Variants in ACVR1B observed in about 807,000 individuals in gnomAD.
ACVR1B encodes activin A receptor type 1B, also known as activin receptor type-1B.
In ACVR1B, 15 loss-of-function variants were observed where a neutral mutation model predicts 55.6. That is an observed-to-expected ratio of 0.27 (90% confidence interval 0.18 to 0.42). The LOEUF (loss-of-function observed/expected upper bound fraction) is 0.42. Ranked by LOEUF, ACVR1B falls within the 10% of genes least tolerant of loss-of-function variation. ACVR1B has a pLI of 1.00. For missense variants in ACVR1B, 359 were observed against 670.1 expected (o/e 0.54, Z 5.13); for synonymous variants, 247 against 254.6 (o/e 0.97, Z 0.28).
intron 4 of ACVR1B, chr12:51,982,544 C>T (rs765036200): frequency 5.1e-4 from 459 of 894,264 alleles, no homozygotes; most frequent in Non-Finnish European, 6.8e-4. Flanking sequence ...AGAGAGGATG[C>T]TGTGAGTGGC....
At chr12:51,973,565 G>A (rs1941788316) in intron 1 of ACVR1B, among the ~76,000 whole-genome samples, 1 of 152,210 alleles carries the variant, frequency 6.6e-6, no homozygotes, top group Non-Finnish European at 1.5e-5. Flanking sequence ...AAGGGAAAAT[G>A]AAGCGATTCC....
At chr12:51,958,644 C>CAAA (rs34307946) in intron 1 of ACVR1B, among the ~76,000 whole-genome samples, 1 of 90,600 alleles carries the variant, frequency 1.1e-5, no homozygotes, top group Admixed American at 1.1e-4. Context: ...TGAGACTCCT[C>CAAA]AAAAAAAAAA....
At chr12:51,993,765 T>TAAAAAAAAAAAAAAAAAAA (rs869161100) in intron 8 of ACVR1B, among the ~76,000 whole-genome samples, 2 of 29,768 alleles carry the variant, frequency 6.7e-5, no homozygotes, top group Non-Finnish European at 6.5e-5. Flanking sequence ...AGACTCCTTC[T>TAAAAAAAAAAAAAAAAAAA]AAAAAAAAAA....
At chr12:51,983,952 T>C (rs771050430) in intron 4 of ACVR1B, 47 bp from the exon 5 acceptor site, 1 of 1,605,300 alleles carries the variant, frequency 6.2e-7, no homozygotes, top group Admixed American at 1.7e-5. Flanking sequence ...TTCACTGTTT[T>C]GCTGATAGTT....
intron 3 of ACVR1B, among the ~76,000 whole-genome samples, chr12:51,977,515 T>G (rs1318901889): frequency 6.6e-6 from 1 of 152,170 alleles, no homozygotes; most frequent in African/African-American, 2.4e-5. Context: ...CAGGCTGGTC[T>G]TGTGTTCTTG....
At chr12:51,955,549 A>G (rs755398324) in intron 1 of ACVR1B, among the ~76,000 whole-genome samples, 9 of 152,242 alleles carry the variant, frequency 5.9e-5, no homozygotes, top group Non-Finnish European at 1.2e-4. Context: ...GCTTTAGGTC[A>G]TCTTAATTTT....
intron 1 of ACVR1B, among the ~76,000 whole-genome samples, chr12:51,961,918 C>CT (rs1397986725): frequency 6.6e-5 from 10 of 152,214 alleles, no homozygotes; most frequent in Admixed American, 6.5e-4. Flanking sequence ...TCATTTCAGT[C>CT]TTACCTTGAC....
intron 1 of ACVR1B, chr12:51,953,610 G>A (rs1941354476): frequency 5.9e-5 from 32 of 542,332 alleles, no homozygotes; most frequent in South Asian, 1.6e-4. Context: ...AAAAAAAAAA[G>A]GGAGATTGAA....
chr12:51,994,114 C>T lies in ACVR1B; in HGVS notation c.*4C>T. ...GCAGGAAGACGTGAAGATCTAACTG[C>T]TCCCTCTCTCCACACGGAGCTCCTG... On this transcript the variant is annotated 3_prime_UTR_variant, in exon 9 of 9. Coordinates refer to ENST00000257963, the MANE Select transcript of ACVR1B (RefSeq NM_004302.5). This position sits in a 1 kb window ranked among gnomAD's most constrained non-coding sequence, Gnocchi z 4.2. 1 of 1,612,958 alleles carries T rather than the reference C, an allele frequency of 6.2e-7. No individual in the cohort carries two copies. The highest frequency in any genetic ancestry group is 1.7e-5 in the Admixed American group (1 of 60,032).
At chr12:51,974,664 T>C (rs1451757250) in intron 1 of ACVR1B, among the ~76,000 whole-genome samples, 1 of 152,178 alleles carries the variant, frequency 6.6e-6, no homozygotes, top group Admixed American at 6.5e-5. Context: ...AAGTTCTCTT[T>C]GGAGGATATC....
rs575632901 is a variant in ACVR1B at position 51,994,837 on chromosome 12, G to A, written c.*727G>A. ...CCGTGCTTGCTGGTGCCTCTTTTCAGTAGTGAGCAGCATCTAGTTTCCCTG... is the reference window on the plus strand; with the variant it reads ...CCGTGCTTGCTGGTGCCTCTTTTCAATAGTGAGCAGCATCTAGTTTCCCTG... On this transcript the variant is annotated 3_prime_UTR_variant, in exon 9 of 9. Coordinates refer to ENST00000257963, the MANE Select transcript of ACVR1B (RefSeq NM_004302.5). This position sits in a 1 kb window ranked among gnomAD's most constrained non-coding sequence, Gnocchi z 4.2. 6.5e-6 allele frequency: 1 copy of A among 153,192 alleles called. No homozygotes were observed. Among genetic ancestry groups the A allele is most frequent in the Non-Finnish European group, 1.5e-5 (1 of 68,470 alleles). The allele number at this position is 153,192 out of a possible 1,614,324, so 9.5% of individuals were successfully genotyped here. A position where few individuals can be genotyped will look rare whatever the true frequency, so the allele number is the denominator to read the frequency against.
intron 1 of ACVR1B, among the ~76,000 whole-genome samples, chr12:51,963,859 C>A (rs138782727): frequency 6.6e-6 from 1 of 152,180 alleles, no homozygotes; most frequent in Non-Finnish European, 1.5e-5. Flanking sequence ...TATTAAGGAA[C>A]CATCAAGCTT....
Position 51,985,259 on chromosome 12 carries a change from T to C in ACVR1B, c.1047T>C (p.Cys349=), listed in dbSNP as rs1258091521. The change falls in exon 6 of 9, where the codon TGT becomes TGC. Residue 349 remains cysteine (C), a synonymous_variant. Transcript: ENST00000257963. The part of the protein sequence containing the change: ...KNILVKKNGM[C]AIADLGLAVR... The stretch of plus-strand genomic sequence containing the variant: ...TTCTGGTGAAGAAAAATGGCATGTG[T>C]GCCATAGCAGACCTGGGCCTGGCTG... The C allele has an allele frequency of 6.2e-7, 1 of 1,613,976 alleles. No individual in the cohort carries two copies. Among genetic ancestry groups the C allele is most frequent in the East Asian group, 2.2e-5 (1 of 44,880 alleles).
rs747337613 is a variant in ACVR1B, at chr12:51,987,107, A to C, written c.1261+165A>C. 7.6e-6 allele frequency: 7 copies of C among 918,820 alleles called. No individual in the cohort carries two copies. The East Asian group carries it at 1.8e-4, about 23-fold the overall frequency. 56.9% of individuals were successfully genotyped at this position (918,820 alleles called of 1,614,324 possible). ...CAAAGGTGTGGAGGTAGCTGTGCTTAGGGTGCGTTTATTCTTCAGGGATCA... is the reference window on the plus strand; with the variant it reads ...CAAAGGTGTGGAGGTAGCTGTGCTTCGGGTGCGTTTATTCTTCAGGGATCA... On this transcript the variant is annotated intron_variant, in intron 7 of 8. Transcript: ENST00000257963.
intron 1 of ACVR1B, among the ~76,000 whole-genome samples, chr12:51,956,328 A>G (rs911952565): frequency 6.6e-6 from 1 of 152,270 alleles, no homozygotes; most frequent in South Asian, 2.1e-4. Flanking sequence ...CACAGTTAAC[A>G]TATAGGAGAT....
At chr12:51,992,180 G>C in intron 8 of ACVR1B, 187 bp downstream of exon 8, 1 of 727,340 alleles carries the variant, frequency 1.4e-6, no homozygotes, top group Non-Finnish European at 2.2e-6. Flanking sequence ...GACCCTGTAG[G>C]GTGCCATTTG....
At chr12:51,968,446 G>T (rs2120535674) in intron 1 of ACVR1B, among the ~76,000 whole-genome samples, 1 of 152,290 alleles carries the variant, frequency 6.6e-6, no homozygotes, top group Middle Eastern at 3.4e-3. Flanking sequence ...TAGACCTAAA[G>T]AAGTGGGTCT....
At chr12:51,975,646 G>T in intron 2 of ACVR1B, 142 bp downstream of exon 2, 1 of 1,227,972 alleles carries the variant, frequency 8.1e-7, no homozygotes, top group Non-Finnish European at 1.1e-6. Context: ...CAAAGGCTGG[G>T]GTTTCTCAGC....
intron 1 of ACVR1B, among the ~76,000 whole-genome samples, chr12:51,962,312 A>C (rs971097339): frequency 6.6e-6 from 1 of 151,726 alleles, no homozygotes; most frequent in Admixed American, 6.6e-5. Flanking sequence ...AGCTTCCTTT[A>C]TTAAGTCAGT....
Sources: allele counts gnomAD v4.1 joint callset (sites outside exome capture counted in the v4.1 genomes callset), GRCh38; gene constraint gnomAD v4.1.1; non-coding constraint Gnocchi (gnomAD v3.1); transcripts MANE v1.5; gene names NCBI Gene and HGNC (gene_info 2026-07-23, HGNC 2026-07-21).